The following CNTN3 variants were observed in gnomAD, a reference collection of about 807,000 sequenced individuals.
The protein encoded by CNTN3 is contactin-3.
A neutral mutation model predicts 119.1 loss-of-function variants in CNTN3; 60 were observed. The observed-to-expected ratio is 0.50, with a 90% confidence interval of 0.41 to 0.62. The LOEUF is 0.62. CNTN3 is among the 20% of genes least tolerant of loss of function. CNTN3 has a pLI of 0.00. For missense variants in CNTN3, 1,101 were observed against 1,242.4 expected, an observed-to-expected ratio of 0.89 and a Z score of 1.71; for synonymous variants, 450 against 438.7, an observed-to-expected ratio of 1.03 and a Z score of -0.32.
At chr3:74,369,832 G>A in intron 7 of CNTN3, 57 bp downstream of exon 7, 1 of 934,700 alleles carries the variant, frequency 1.1e-6, no homozygotes, top group East Asian at 2.7e-5. Context: ...AAACCATCCT[G>A]ATTTCTTATA....
At chr3:74,336,729 T>C in intron 11 of CNTN3, 71 bp from the exon 12 acceptor site, 1 of 1,270,354 alleles carries the variant, frequency 7.9e-7, no homozygotes, top group Non-Finnish European at 1.1e-6. Flanking sequence ...ATACATATTT[T>C]TACAGAACAT....
chr3:74,504,459 T>C (rs922728921), intron 2 of CNTN3, among the ~76,000 whole-genome samples: 2 of 152,172 alleles, frequency 1.3e-5, no homozygotes, highest in Admixed American at 6.5e-5. Context: ...TTTTAAAAGA[T>C]GGAAACTTTT....
intron 1 of CNTN3, among the ~76,000 whole-genome samples, chr3:74,602,233 C>T (rs1381299348): frequency 6.8e-6 from 1 of 146,094 alleles, no homozygotes; most frequent in Non-Finnish European, 1.5e-5. Context: ...GAGTTCAAGC[C>T]TGCAGTAAGC....
At chr3:74,336,949 C>T (rs903069572) in intron 11 of CNTN3, among the ~76,000 whole-genome samples, 2 of 152,058 alleles carry the variant, frequency 1.3e-5, no homozygotes, top group African/African-American at 4.8e-5. Context: ...ATGCACTTAT[C>T]AAATAAGTGT....
intron 5 of CNTN3, among the ~76,000 whole-genome samples, chr3:74,394,921 C>T (rs1705007446): frequency 6.6e-6 from 1 of 152,036 alleles, no homozygotes; most frequent in African/African-American, 2.4e-5. Context: ...GTAAATATGA[C>T]TCTTTTATTG....
intron 5 of CNTN3, among the ~76,000 whole-genome samples, chr3:74,385,397 T>C (rs1305900752): frequency 6.6e-6 from 1 of 152,020 alleles, no homozygotes; most frequent in East Asian, 1.9e-4. Context: ...AAAGCTAATG[T>C]AGAGAACAGA....
intron 20 of CNTN3, among the ~76,000 whole-genome samples, chr3:74,272,177 A>G (rs1422864322): frequency 6.6e-6 from 1 of 152,196 alleles, no homozygotes; most frequent in Non-Finnish European, 1.5e-5. Flanking sequence ...ATAGCTGATG[A>G]GCTTTAAAAA....
intron 1 of CNTN3, among the ~76,000 whole-genome samples, chr3:74,586,326 A>C (rs1449891287): frequency 6.6e-6 from 1 of 152,170 alleles, no homozygotes; most frequent in Non-Finnish European, 1.5e-5. Context: ...ACTGAAGGGA[A>C]AATGCTAAAA....
intron 20 of CNTN3, among the ~76,000 whole-genome samples, chr3:74,269,174 T>TA (rs1219048944): frequency 1.3e-5 from 2 of 152,072 alleles, no homozygotes; most frequent in African/African-American, 2.4e-5. Context: ...TTTTGCTATT[T>TA]AAAAAAATAA....
chr3:74,276,830 T>G (rs1215327606), intron 20 of CNTN3, among the ~76,000 whole-genome samples: 2 of 151,814 alleles, frequency 1.3e-5, no homozygotes, highest in Non-Finnish European at 1.5e-5. Flanking sequence ...TACAAAAGAT[T>G]AATGAAACAA....
chr3:74,371,063 C>A, intron 6 of CNTN3, 133 bp downstream of exon 6: 3 of 652,998 alleles, frequency 4.6e-6, no homozygotes, highest in Non-Finnish European at 8.2e-6. Flanking sequence ...TCATTGTACT[C>A]ATAAAATAGT....
chr3:74,521,798 T>C (rs990505786), intron 1 of CNTN3, among the ~76,000 whole-genome samples: 2 of 151,838 alleles, frequency 1.3e-5, no homozygotes, highest in Non-Finnish European at 2.9e-5. Context: ...TTTCATAAAC[T>C]TGAATATGTT....
chr3:74,299,185 G>A (rs1702404092), intron 17 of CNTN3, among the ~76,000 whole-genome samples: 1 of 151,922 alleles, frequency 6.6e-6, no homozygotes, highest in South Asian at 2.1e-4. Context: ...TCCAGACTGG[G>A]CAACAGAGCA....
rs540859964 is a variant in CNTN3, at chr3:74,369,303, A to G, written c.832T>C (p.Phe278Leu). The G allele has an allele frequency of 6.2e-7, 1 of 1,610,932 alleles. No homozygotes were observed. Among genetic ancestry groups the G allele is most frequent in the Non-Finnish European group, 8.5e-7 (1 of 1,178,536 alleles). ...TTGGGGATTTCAAGCACACCACTGA[A>G]CTTCCTTAATTTAATTTTGCTGGAA... is the stretch of plus-strand genomic sequence containing the variant. ...PFSSKIKLRK[F>L]SGVLEIPNFQ... is the part of the protein sequence containing the mutation. The change falls in exon 8 of 23, where the codon TTC becomes CTC. Residue 278 changes from phenylalanine (F) to leucine (L), a missense_variant. Phe to Leu is a conservative substitution (Grantham distance 22). Transcript: ENST00000263665.
At chr3:74,421,778 G>C (rs1333794763) in intron 5 of CNTN3, among the ~76,000 whole-genome samples, 1 of 152,136 alleles carries the variant, frequency 6.6e-6, no homozygotes, top group Non-Finnish European at 1.5e-5. Flanking sequence ...TCCTTCATCA[G>C]TTGTACTGAT....
intron 1 of CNTN3, among the ~76,000 whole-genome samples, chr3:74,594,501 T>A (rs1449837380): frequency 6.6e-6 from 1 of 151,622 alleles, no homozygotes; most frequent in Non-Finnish European, 1.5e-5. Context: ...TGTCCATATG[T>A]TCTCATTGTT....
At chr3:74,484,032 T>C (rs1408311299) in intron 4 of CNTN3, among the ~76,000 whole-genome samples, 1 of 152,136 alleles carries the variant, frequency 6.6e-6, no homozygotes, top group Non-Finnish European at 1.5e-5. Flanking sequence ...TCATATGTTA[T>C]CAGGTATGAA....
chr3:74,420,041 T>C (rs1311803982), intron 5 of CNTN3, among the ~76,000 whole-genome samples: 1 of 152,208 alleles, frequency 6.6e-6, no homozygotes, highest in African/African-American at 2.4e-5. Context: ...ATTTCCTAGT[T>C]TTCTGACAAA....
Position 74,520,417 on chromosome 3 carries a change from AAGTT to A in CNTN3, c.55+637_55+640del, listed in dbSNP as rs551193668. On this transcript the variant is annotated intron_variant, in intron 2 of 22. Coordinates refer to ENST00000263665, the MANE Select transcript of CNTN3 (RefSeq NM_020872.3). ...GGGAAAACAAAATAAAATAAACAAA[AAGTT>A]AGTTATATATACACTATTTTAAAAA... Among the ~76,000 whole-genome samples, 525 of 151,542 alleles carry A rather than the reference AAGTT, an allele frequency of 3.5e-3. 5 individuals carry two copies. Among genetic ancestry groups the A allele is most frequent in the African/African-American group, 0.012 (510 of 41,476 alleles).
Sources: gnomAD v4.1 joint callset for allele counts (sites outside exome capture counted in the v4.1 genomes callset) on GRCh38, gnomAD v4.1.1 for gene constraint, MANE v1.5 for transcripts, NCBI Gene and HGNC (gene_info 2026-07-23, HGNC 2026-07-21) for gene names.